The following OR52E5 variants were observed in gnomAD, a reference collection of about 807,000 sequenced individuals.
OR52E5 encodes the protein olfactory receptor 52E5.
At chr11:5,900,271 G>A (rs938914153) in intron 2 of OR52E5, among the ~76,000 whole-genome samples, 2 of 151,908 alleles carry the variant, frequency 1.3e-5, no homozygotes, top group African/African-American at 4.8e-5. Context: ...CACCTTTACT[G>A]AGTCTCCTCT....
Position 5,902,422 on chromosome 11 carries a change from C to T in OR52E5, c.*662C>T, listed in dbSNP as rs75906482. The T allele has an allele frequency of 6.6e-6, 1 of 152,194 alleles. No homozygotes were observed. The highest frequency in any genetic ancestry group is 6.5e-5 in the Admixed American group (1 of 15,272). The allele number at this position is 152,194 out of a possible 1,614,324, so 9.4% of individuals were successfully genotyped here. A position where few individuals can be genotyped will look rare whatever the true frequency, so the allele number is the denominator to read the frequency against. On this transcript the variant is annotated 3_prime_UTR_variant, in exon 3 of 3. Coordinates refer to ENST00000610445, the MANE Select transcript of OR52E5 (RefSeq NM_001005166.5). ...TGTAGATTTCATTTACTAATCCACT[C>T]TAGTATACAATCCCTGGTTTGAGGT...
intron 1 of OR52E5, 71 bp from the exon 2 acceptor site, chr11:5,895,561 A>G (rs1418296273): frequency 6.6e-6 from 1 of 152,136 alleles, no homozygotes; most frequent in South Asian, 2.1e-4. Flanking sequence ...TATAACCTCT[A>G]TTTTTTAATC....
At chr11:5,896,279 G>A (rs2134289603) in intron 2 of OR52E5, among the ~76,000 whole-genome samples, 2 of 117,102 alleles carry the variant, frequency 1.7e-5, no homozygotes, top group Middle Eastern at 4.9e-3. Context: ...AAATTAGCCG[G>A]GCGTGGTGGC....
chr11:5,895,351 G>A (rs1382202463), intron 1 of OR52E5, among the ~76,000 whole-genome samples: 1 of 152,174 alleles, frequency 6.6e-6, no homozygotes, highest in Non-Finnish European at 1.5e-5. Context: ...ACAGGAAACA[G>A]TGAAAATATA....
rs1301661941 is a variant in OR52E5, at chr11:5,901,467, G to A, written c.691G>A (p.Asp231Asn). ...LRAVFHLPAW[D>N]ARPKALSTCG... Reference sequence around the variant, plus strand: ...AGCTGTCTTCCATCTCCCAGCCTGGGATGCCCGGCCTAAGGCACTCAGCAC... The same window carrying A: ...AGCTGTCTTCCATCTCCCAGCCTGGAATGCCCGGCCTAAGGCACTCAGCAC... The change falls in exon 3 of 3, where the codon GAT becomes AAT. Residue 231 changes from aspartate to asparagine, a missense_variant. Coordinates refer to ENST00000610445, the MANE Select transcript of OR52E5 (RefSeq NM_001005166.5). The A allele has an allele frequency of 2.0e-5, 8 of 401,590 alleles. No homozygotes were observed. The highest frequency in any genetic ancestry group is 4.4e-6 in the Non-Finnish European group (1 of 226,368). The allele number at this position is 401,590 out of a possible 1,614,324, so 24.9% of individuals were successfully genotyped here.
intron 2 of OR52E5, among the ~76,000 whole-genome samples, chr11:5,897,591 C>G (rs1488331475): frequency 6.6e-6 from 1 of 152,168 alleles, no homozygotes; most frequent in East Asian, 1.9e-4. Flanking sequence ...ATAAGCAAAT[C>G]AGTGCAGGTG....
Position 5,902,202 on chromosome 11 carries a change from C to T in OR52E5, c.*442C>T, listed in dbSNP as rs1847264966. 6.5e-6 allele frequency: 1 copy of T among 153,990 alleles called. No homozygotes were observed. Among genetic ancestry groups the T allele is most frequent in the African/African-American group, 2.4e-5 (1 of 41,480 alleles). The allele number at this position is 153,990 out of a possible 1,614,324, so 9.5% of individuals were successfully genotyped here. The stretch of plus-strand genomic sequence containing the variant: ...GTTATGGCCTTACCTAAAATTTTGA[C>T]CTGAGCATTTCACTTAGACTCTTTG... On this transcript the variant is annotated 3_prime_UTR_variant, in exon 3 of 3. Transcript: ENST00000610445.
intron 2 of OR52E5, among the ~76,000 whole-genome samples, chr11:5,896,292 G>C (rs1481411956): frequency 6.8e-6 from 1 of 146,758 alleles, no homozygotes; most frequent in Non-Finnish European, 1.5e-5. Context: ...GTGGTGGCAG[G>C]CACCTGTAGT....
chr11:5,900,766 T>C lies in OR52E5; in HGVS notation c.-11T>C, dbSNP rs1847238282. On this transcript the variant is annotated 5_prime_UTR_variant, in exon 3 of 3. The change abolishes an upstream ATG in the 5' untranslated region. Transcript: ENST00000610445. Reference sequence around the variant, plus strand: ...ATGCAAGAAATGTGTCTGTAGGGAATGGCCACCAATATGCTTCATACCAAC... The same window carrying C: ...ATGCAAGAAATGTGTCTGTAGGGAACGGCCACCAATATGCTTCATACCAAC... The C allele has an allele frequency of 2.5e-6, 1 of 400,504 alleles. No individual in the cohort carries two copies. The highest frequency in any genetic ancestry group is 4.4e-6 in the Non-Finnish European group (1 of 226,200). The allele number at this position is 400,504 out of a possible 1,614,324, so 24.8% of individuals were successfully genotyped here. A position where few individuals can be genotyped will look rare whatever the true frequency, so the allele number is the denominator to read the frequency against.
In OR52E5 at chr11:5,896,420, C is replaced by CA. The variant is rs11333518; in HGVS notation, c.-146+725dup. Among the ~76,000 whole-genome samples the CA allele has an allele frequency of 6.2e-3, 653 of 104,574 alleles. 5 individuals are homozygous for CA. Among genetic ancestry groups the CA allele is most frequent in the Non-Finnish European group, 7.0e-3 (345 of 49,556 alleles). The allele number at this position is 104,574 out of a possible 152,430, so 68.6% of individuals were successfully genotyped here. On this transcript the variant is annotated intron_variant, in intron 2 of 2. Coordinates refer to ENST00000610445, the MANE Select transcript of OR52E5 (RefSeq NM_001005166.5). ...TGGGCGACAGAGTGGGACACTGTGTCAAAAAAAAAAAAAAAAAATCAGAGA... is the reference window on the plus strand; with the variant it reads ...TGGGCGACAGAGTGGGACACTGTGTCAAAAAAAAAAAAAAAAAAATCAGAGA...
chr11:5,894,759 C>G (rs752676517), intron 1 of OR52E5, among the ~76,000 whole-genome samples: 3 of 152,036 alleles, frequency 2.0e-5, no homozygotes, highest in Non-Finnish European at 2.9e-5. Flanking sequence ...GCTCAGGGGT[C>G]GGTGCCCTTT....
At chr11:5,894,654 G>C (rs1847149331) in intron 1 of OR52E5, among the ~76,000 whole-genome samples, 1 of 152,072 alleles carries the variant, frequency 6.6e-6, no homozygotes, top group Admixed American at 6.6e-5. Flanking sequence ...TGTAAAGATA[G>C]GTTAAAATTA....
intron 2 of OR52E5, among the ~76,000 whole-genome samples, chr11:5,896,964 T>C (rs745583282): frequency 6.6e-6 from 1 of 152,228 alleles, no homozygotes; most frequent in Non-Finnish European, 1.5e-5. Flanking sequence ...TTTTTCCCTC[T>C]AACATAAACT....
chr11:5,893,323 C>G (rs1847129968), intron 1 of OR52E5, 53 bp downstream of exon 1: 1 of 152,138 alleles, frequency 6.6e-6, no homozygotes, highest in South Asian at 2.1e-4. Context: ...ATGACAGTAA[C>G]TAAAGTGATT....
chr11:5,895,471 A>G (rs1397725127), intron 1 of OR52E5, among the ~76,000 whole-genome samples, 161 bp from the exon 2 acceptor site: 1 of 152,220 alleles, frequency 6.6e-6, no homozygotes, highest in Non-Finnish European at 1.5e-5. Context: ...AGATTAAATA[A>G]TTTAGCTCTG....
chr11:5,897,564 T>C (rs1287127004), intron 2 of OR52E5, among the ~76,000 whole-genome samples: 2 of 152,246 alleles, frequency 1.3e-5, no homozygotes, highest in Non-Finnish European at 2.9e-5. Flanking sequence ...ATGACTGCTA[T>C]TGTGAATAGT....
At chr11:5,897,888 A>G (rs1448003363) in intron 2 of OR52E5, among the ~76,000 whole-genome samples, 2 of 151,940 alleles carry the variant, frequency 1.3e-5, no homozygotes, top group African/African-American at 4.8e-5. Flanking sequence ...TTTGAGCCAG[A>G]GTCTCATTCT....
chr11:5,897,192 G>C (rs545823591), intron 2 of OR52E5, among the ~76,000 whole-genome samples: 1 of 152,238 alleles, frequency 6.6e-6, no homozygotes, highest in South Asian at 2.1e-4. Flanking sequence ...TGGGCATATT[G>C]CATAATGCTG....
rs530091780 is a variant in OR52E5 at position 5,897,228 on chromosome 11, C to CACCCAAATAGTGAACATTGT, written c.-146+1523_-146+1542dup. Among the ~76,000 whole-genome samples, 40 of 152,312 alleles carry CACCCAAATAGTGAACATTGT rather than the reference C, an allele frequency of 2.6e-4. No individual in the cohort carries two copies. The East Asian group carries it at 7.1e-3, about 27-fold the overall frequency. On this transcript the variant is annotated intron_variant, in intron 2 of 2. Coordinates refer to ENST00000610445, the MANE Select transcript of OR52E5 (RefSeq NM_001005166.5). ...GGGCATAGGCTTCTAGTGAACCCAT[C>CACCCAAATAGTGAACATTGT]ACCCAAATAGTGAACATTGTACCCA...
Sources: allele counts gnomAD v4.1 joint callset (sites outside exome capture counted in the v4.1 genomes callset), GRCh38; gene constraint gnomAD v4.1.1; transcripts MANE v1.5; gene names NCBI Gene and HGNC (gene_info 2026-07-23, HGNC 2026-07-21).